Variants in PDCD10 observed in about 807,000 individuals in gnomAD.
PDCD10 encodes the protein programmed cell death 10.
A neutral mutation model predicts 29.2 loss-of-function variants in PDCD10; 4 were observed. That is an observed-to-expected ratio of 0.14 (90% CI 0.07 to 0.31). PDCD10 has a LOEUF of 0.31. PDCD10 is among the 10% of genes least tolerant of loss of function. The pLI, the probability that PDCD10 is intolerant of heterozygous loss-of-function variation, is 1.00. For missense variants in PDCD10, 183 were observed against 257.9 expected, an observed-to-expected ratio of 0.71 and a Z score of 1.99; for synonymous variants, 70 against 82.2, an observed-to-expected ratio of 0.85 and a Z score of 0.80.
intron 4 of PDCD10, among the ~76,000 whole-genome samples, chr3:167,699,196 A>G (rs531513898): frequency 6.6e-6 from 1 of 152,164 alleles, no homozygotes; most frequent in Non-Finnish European, 1.5e-5. Flanking sequence ...TCTTGCAGAT[A>G]TATTTTTTTC....
At chr3:167,685,690 G>T (rs1263329890) in intron 8 of PDCD10, among the ~76,000 whole-genome samples, 1 of 152,054 alleles carries the variant, frequency 6.6e-6, no homozygotes, top group African/African-American at 2.4e-5. Context: ...CTTTCATTGT[G>T]CTTATTCCAT....
Position 167,720,230 on chromosome 3 carries a change from T to C in PDCD10, c.-73A>G, listed in dbSNP as rs1129086. ...TCTTCATTCACTGCAATATTTCTTC[T>C]CTTTTTTGGTGATAAAAGAATTGGA... is the stretch of plus-strand genomic sequence containing the variant. On this transcript the variant is annotated 5_prime_UTR_variant, in exon 3 of 9. Coordinates refer to ENST00000392750, the MANE Select transcript of PDCD10 (RefSeq NM_007217.4). 1.0e-6 allele frequency: 1 copy of C among 979,888 alleles called. No individual in the cohort carries two copies. The highest frequency in any genetic ancestry group is 1.6e-6 in the Non-Finnish European group (1 of 609,134). 60.7% of individuals were successfully genotyped at this position (979,888 alleles called of 1,614,324 possible). A position where few individuals can be genotyped will look rare whatever the true frequency, so the allele number is the denominator to read the frequency against.
At chr3:167,685,224 C>T (rs777891962) in intron 8 of PDCD10, among the ~76,000 whole-genome samples, 9 of 152,016 alleles carry the variant, frequency 5.9e-5, no homozygotes, top group African/African-American at 1.9e-4. Context: ...ACCAGCCTGG[C>T]CAACATGGTG....
rs1371561052 is a variant in PDCD10, at chr3:167,697,874, T to C, written c.151-748A>G. On this transcript the variant is annotated intron_variant, in intron 4 of 8. Transcript: ENST00000392750. Reference sequence around the variant, plus strand: ...ACCAAAGCCAGAGTTAATCTTCAGATTTCAGTTTTTCCCAGTAAATTCTGT... The same window carrying C: ...ACCAAAGCCAGAGTTAATCTTCAGACTTCAGTTTTTCCCAGTAAATTCTGT... 1.3e-5 allele frequency: 6 copies of C among 455,114 alleles called. No individual in the cohort carries two copies. In the East Asian group the frequency reaches 4.2e-4, roughly 32 times the overall value. The allele number at this position is 455,114 out of a possible 1,614,324, so 28.2% of individuals were successfully genotyped here. A position where few individuals can be genotyped will look rare whatever the true frequency, so the allele number is the denominator to read the frequency against.
rs563828718 is a variant in PDCD10, at chr3:167,700,448, C to T, written c.151-3322G>A. On this transcript the variant is annotated intron_variant, in intron 4 of 8. Transcript: ENST00000392750. Reference sequence around the variant, plus strand: ...TTACAAGAAGGTGTATTGCATGATACTGAATTGCTTGAATACAGTCTAAGA... The same window carrying T: ...TTACAAGAAGGTGTATTGCATGATATTGAATTGCTTGAATACAGTCTAAGA... 2.0e-5 allele frequency among the ~76,000 whole-genome samples: 3 copies of T among 150,994 alleles called. No individual in the cohort carries two copies. The East Asian group carries it at 5.8e-4, about 29-fold the overall frequency.
At chr3:167,686,735 G>A (rs536710827) in intron 8 of PDCD10, among the ~76,000 whole-genome samples, 7 of 152,258 alleles carry the variant, frequency 4.6e-5, no homozygotes, top group South Asian at 2.1e-4. Context: ...TGACTCTGAT[G>A]CCACTAAAGT....
chr3:167,708,506 T>A (rs1284988483), intron 3 of PDCD10, among the ~76,000 whole-genome samples: 2 of 152,186 alleles, frequency 1.3e-5, no homozygotes, highest in Non-Finnish European at 2.9e-5. Flanking sequence ...AGATTGTTGA[T>A]CTTATTTCTT....
intron 5 of PDCD10, among the ~76,000 whole-genome samples, chr3:167,695,946 T>C (rs919013798): frequency 6.6e-6 from 1 of 151,326 alleles, no homozygotes; most frequent in Non-Finnish European, 1.5e-5. Context: ...AATAAATATT[T>C]TCAATTTGGG....
At chr3:167,685,422 A>G (rs1174230569) in intron 8 of PDCD10, among the ~76,000 whole-genome samples, 1 of 143,448 alleles carries the variant, frequency 7.0e-6, no homozygotes. Context: ...AAAAAAAAAG[A>G]GAAGGGCCAG....
At chr3:167,722,964 T>A (rs1723740693) in intron 2 of PDCD10, among the ~76,000 whole-genome samples, 2 of 152,226 alleles carry the variant, frequency 1.3e-5, no homozygotes, top group African/African-American at 4.8e-5. Context: ...AGAACAGTAT[T>A]TTGGCAACAT....
intron 4 of PDCD10, among the ~76,000 whole-genome samples, chr3:167,698,217 G>T (rs1003539329): frequency 1.2e-4 from 19 of 152,052 alleles, no homozygotes; most frequent in Admixed American, 7.2e-4. Context: ...GAAAATACAC[G>T]CATTTATTCC....
At chr3:167,723,585 C>G (rs188540001) in intron 2 of PDCD10, among the ~76,000 whole-genome samples, 3 of 152,168 alleles carry the variant, frequency 2.0e-5, no homozygotes, top group African/African-American at 7.2e-5. Context: ...CTCCTGGTCA[C>G]AACATCTAGC....
chr3:167,705,084 ATTT>A (rs1213321110), intron 3 of PDCD10, among the ~76,000 whole-genome samples, 189 bp from the exon 4 acceptor site: 1 of 152,096 alleles, frequency 6.6e-6, no homozygotes, highest in Non-Finnish European at 1.5e-5. Flanking sequence ...TATGTCCTTA[ATTT>A]TTTATTAAAA....
At position 167,684,191 on chromosome 3, in the gene PDCD10, C is replaced by A; in HGVS notation, c.*117G>T. ...AGATGGCAATAATCCCATTCAACAT[C>A]CTGGATTAGATCCCTTCAGGAGGGA... On this transcript the variant is annotated 3_prime_UTR_variant, in exon 9 of 9. Transcript: ENST00000392750. 1.5e-6 allele frequency: 1 copy of A among 687,078 alleles called. No individual in the cohort carries two copies. Among genetic ancestry groups the A allele is most frequent in the Non-Finnish European group, 2.7e-6 (1 of 370,494 alleles). The allele number at this position is 687,078 out of a possible 1,614,324, so 42.6% of individuals were successfully genotyped here.
intron 6 of PDCD10, among the ~76,000 whole-genome samples, chr3:167,692,791 G>A (rs563897320): frequency 5.3e-5 from 8 of 152,338 alleles, no homozygotes; most frequent in Middle Eastern, 6.8e-3. Flanking sequence ...GGTGGCGGGC[G>A]CCTGTAGTCC....
At chr3:167,691,685 G>A (rs566310321) in intron 6 of PDCD10, among the ~76,000 whole-genome samples, 6 of 152,204 alleles carry the variant, frequency 3.9e-5, no homozygotes, top group African/African-American at 1.4e-4. Context: ...CTCACGTACT[G>A]GCATTCTATG....
chr3:167,685,463 C>G (rs34324799), intron 8 of PDCD10, among the ~76,000 whole-genome samples: 1,535 of 150,448 alleles, frequency 0.01, 9 homozygotes, highest in Non-Finnish European at 0.016. Flanking sequence ...GCAAATCCAT[C>G]CCCCTACTGA....
At chr3:167,703,662 T>C (rs1038382775) in intron 4 of PDCD10, among the ~76,000 whole-genome samples, 30 of 152,160 alleles carry the variant, frequency 2.0e-4, no homozygotes, top group African/African-American at 7.2e-4. Context: ...TTGGGCACCA[T>C]AATATATATT....
intron 8 of PDCD10, among the ~76,000 whole-genome samples, chr3:167,685,396 CAAAAAAAAAA>C (rs1184281849): frequency 5.4e-5 from 3 of 55,962 alleles, no homozygotes; most frequent in South Asian, 8.4e-4. Flanking sequence ...ACTCTGTCTC[CAAAAAAAAAA>C]AAAAAAAAAA....
Sources: gnomAD v4.1 joint callset for allele counts (sites outside exome capture counted in the v4.1 genomes callset) on GRCh38, gnomAD v4.1.1 for gene constraint, MANE v1.5 for transcripts, NCBI Gene and HGNC (gene_info 2026-07-23, HGNC 2026-07-21) for gene names.